Variants in SOX5 observed in about 807,000 individuals in gnomAD.
SOX5 encodes transcription factor SOX-5.
Under a neutral mutation model 92.0 loss-of-function variants are expected in SOX5, and 9 were observed. The observed-to-expected ratio is 0.10, with a 90% CI of 0.06 to 0.17. The LOEUF (loss-of-function observed/expected upper bound fraction) is 0.17, where lower values mean the gene tolerates loss of function less well. Among genes scored for constraint, SOX5 ranks in the 10% least tolerant of loss-of-function variants. SOX5 has a pLI of 1.00. For synonymous variants in SOX5, 344 were observed against 336.3 expected (o/e 1.02, Z -0.25); for missense variants, 642 against 944.5 (o/e 0.68, Z 4.20).
intron 3 of SOX5, among the ~76,000 whole-genome samples, chr12:24,229,747 AG>A (rs1375293063): frequency 6.6e-6 from 1 of 152,204 alleles, no homozygotes; most frequent in African/African-American, 2.4e-5. Flanking sequence ...GCCCTGAAAA[AG>A]TTGCTATGGA....
chr12:23,570,925 AAAAAAATATATATATATATATAT>A (rs1296782196), intron 10 of SOX5, among the ~76,000 whole-genome samples: 383 of 35,716 alleles, frequency 0.011, 40 homozygotes, highest in South Asian at 0.067. Flanking sequence ...AAAAAAAAAA[AAAAAAATATATATATATATATAT>A]ATATATATAT....
intron 4 of SOX5, among the ~76,000 whole-genome samples, chr12:24,171,417 G>T (rs1193318026): frequency 1.3e-5 from 2 of 151,534 alleles, no homozygotes; most frequent in African/African-American, 4.9e-5. Flanking sequence ...TAGAGACGAG[G>T]TTTCACCATG....
chr12:24,509,358 CT>C (rs1440097046), intron 1 of SOX5, among the ~76,000 whole-genome samples: 6 of 152,182 alleles, frequency 3.9e-5, no homozygotes, highest in Admixed American at 3.9e-4. Flanking sequence ...TCTCTCCTAC[CT>C]TTTTTTCCTC....
At chr12:23,828,041 T>C (rs2096259859) in intron 3 of SOX5, among the ~76,000 whole-genome samples, 1 of 152,212 alleles carries the variant, frequency 6.6e-6, no homozygotes, top group Non-Finnish European at 1.5e-5. Flanking sequence ...AACATGAATG[T>C]CAATGACAGA....
intron 9 of SOX5, among the ~76,000 whole-genome samples, chr12:23,585,530 A>G (rs572995972): frequency 6.6e-6 from 1 of 152,192 alleles, no homozygotes; most frequent in African/African-American, 2.4e-5. Context: ...ATAAGTAAAA[A>G]TAAAATTTAA....
chr12:24,441,279 C>T (rs1940530240), intron 1 of SOX5, among the ~76,000 whole-genome samples: 1 of 152,188 alleles, frequency 6.6e-6, no homozygotes, highest in African/African-American at 2.4e-5. Context: ...CAATAATGGG[C>T]CCCGTCCTCT....
chr12:24,526,113 C>T (rs1228230787), intron 1 of SOX5, among the ~76,000 whole-genome samples: 3 of 152,058 alleles, frequency 2.0e-5, no homozygotes, highest in Non-Finnish European at 1.5e-5. Context: ...CTCCCAAATG[C>T]TAGGATTACA....
intron 4 of SOX5, among the ~76,000 whole-genome samples, chr12:24,082,851 T>C (rs1943534569): frequency 6.6e-6 from 1 of 151,972 alleles, no homozygotes; most frequent in Non-Finnish European, 1.5e-5. Flanking sequence ...AAATTCTTCA[T>C]TTATTCTAAA....
chr12:24,388,663 CT>C (rs2136455109), intron 1 of SOX5, among the ~76,000 whole-genome samples: 1 of 152,264 alleles, frequency 6.6e-6, no homozygotes, highest in East Asian at 1.9e-4. Context: ...AATTCAATGA[CT>C]TTTAATATAT....
intron 4 of SOX5, among the ~76,000 whole-genome samples, chr12:24,078,865 C>A (rs766907468): frequency 3.3e-5 from 5 of 151,966 alleles, no homozygotes; most frequent in Non-Finnish European, 5.9e-5. Flanking sequence ...CTGAACCAAA[C>A]CTCTCAACTT....
chr12:23,679,061 G>A (rs368118902), intron 6 of SOX5, among the ~76,000 whole-genome samples: 3 of 152,038 alleles, frequency 2.0e-5, no homozygotes, highest in African/African-American at 7.2e-5. Context: ...AGATATCCTA[G>A]GAATCTTTTC....
intron 6 of SOX5, among the ~76,000 whole-genome samples, chr12:23,719,680 C>T (rs1567207256): frequency 6.6e-6 from 1 of 150,844 alleles, no homozygotes; most frequent in Non-Finnish European, 1.5e-5. Context: ...TTGCTTGAGC[C>T]CTGAGCCCCT....
At chr12:24,477,587 A>G (rs554386389) in intron 1 of SOX5, among the ~76,000 whole-genome samples, 20 of 152,194 alleles carry the variant, frequency 1.3e-4, no homozygotes, top group Non-Finnish European at 2.9e-4. Context: ...CATTGAAAAT[A>G]TATTTCTCAG....
chr12:23,676,235 A>G (rs983666321), intron 6 of SOX5, among the ~76,000 whole-genome samples: 1 of 152,202 alleles, frequency 6.6e-6, no homozygotes, highest in East Asian at 1.9e-4. Context: ...TACAAAAAAA[A>G]GTAATTATGT....
chr12:23,820,774 T>C (rs12425732), intron 3 of SOX5, among the ~76,000 whole-genome samples: 27,774 of 152,094 alleles, frequency 0.18, 3,173 homozygotes, highest in East Asian at 0.53. Context: ...TCTGTTCCAT[T>C]GGTCTATATC....
chr12:23,709,149 T>G (rs2091780436), intron 6 of SOX5, among the ~76,000 whole-genome samples: 1 of 152,186 alleles, frequency 6.6e-6, no homozygotes, highest in Non-Finnish European at 1.5e-5. Context: ...GTGCCCAGGC[T>G]GGAGTGCAGT....
rs1256277789 is a variant in SOX5, at chr12:23,553,722, C to A, written c.1489-7298G>T. On this transcript the variant is annotated intron_variant, in intron 11 of 14. Transcript: ENST00000451604. ...AGGAGGCCAACTAAGAAAAATAATA[C>A]AATTTGCAACCTACACAGGATGTCC... 2.0e-5 allele frequency among the ~76,000 whole-genome samples: 3 copies of A among 152,094 alleles called. No individual in the cohort carries two copies. The South Asian group carries it at 6.2e-4, about 32-fold the overall frequency.
At chr12:24,491,384 C>T (rs574617603) in intron 1 of SOX5, among the ~76,000 whole-genome samples, 44 of 152,130 alleles carry the variant, frequency 2.9e-4, no homozygotes, top group African/African-American at 1.1e-3. Context: ...TTTTACTATA[C>T]CAATCATGAT....
At chr12:24,329,396 A>G (rs1788952580) in intron 2 of SOX5, among the ~76,000 whole-genome samples, 1 of 152,122 alleles carries the variant, frequency 6.6e-6, no homozygotes, top group African/African-American at 2.4e-5. Flanking sequence ...ACTGCCTTAT[A>G]AAATCATTAG....
Sources: gnomAD v4.1 joint callset for allele counts (sites outside exome capture counted in the v4.1 genomes callset) on GRCh38, gnomAD v4.1.1 for gene constraint, MANE v1.5 for transcripts, NCBI Gene and HGNC (gene_info 2026-07-23, HGNC 2026-07-21) for gene names.